LRRC7: variants seen among roughly 807,000 people sequenced by gnomAD.
LRRC7 encodes the protein leucine rich repeat containing 7.
Under a neutral mutation model 175.7 loss-of-function variants are expected in LRRC7, and 23 were observed. The observed-to-expected ratio is 0.13, with a 90% confidence interval of 0.09 to 0.19. The LOEUF is 0.19. Among genes scored for constraint, LRRC7 ranks in the 10% least tolerant of loss-of-function variants. LRRC7 has a pLI of 1.00. For synonymous variants in LRRC7, 685 were observed against 680.9 expected (o/e 1.01, Z -0.09); for missense variants, 1,354 against 1,904.7 (o/e 0.71, Z 5.38).
intron 4 of LRRC7, among the ~76,000 whole-genome samples, chr1:69,825,527 TA>T (rs1246407205): frequency 1.3e-5 from 2 of 151,996 alleles, no homozygotes; most frequent in African/African-American, 4.8e-5. Flanking sequence ...ACTTTTATTA[TA>T]AAATATTATT....
At chr1:69,711,685 T>C (rs1664767001) in intron 2 of LRRC7, among the ~76,000 whole-genome samples, 1 of 152,176 alleles carries the variant, frequency 6.6e-6, no homozygotes, top group South Asian at 2.1e-4. Flanking sequence ...TACCGTGTCG[T>C]CATGGCTCAA....
At chr1:69,748,762 G>A (rs1414424890) in intron 2 of LRRC7, among the ~76,000 whole-genome samples, 1 of 152,126 alleles carries the variant, frequency 6.6e-6, no homozygotes, top group East Asian at 1.9e-4. Flanking sequence ...TGATTAGACT[G>A]AGGGTCCTTC....
intron 25 of LRRC7, among the ~76,000 whole-genome samples, chr1:70,098,312 T>C (rs1664561578): frequency 1.3e-5 from 2 of 151,668 alleles, no homozygotes; most frequent in South Asian, 4.2e-4. Context: ...CTGGGACGCA[T>C]TCAAAGCAGT....
At chr1:69,943,487 GAT>G in intron 8 of LRRC7, among the ~76,000 whole-genome samples, 1 of 151,992 alleles carries the variant, frequency 6.6e-6, no homozygotes, top group Non-Finnish European at 1.5e-5. Context: ...TTTGAGAAAT[GAT>G]GAAAATATAC....
chr1:70,135,528 A>G lies in LRRC7; in HGVS notation c.*13641A>G, dbSNP rs199656353. Among the ~76,000 whole-genome samples the G allele has an allele frequency of 6.6e-6, 1 of 152,290 alleles. No homozygotes were observed. The highest frequency in any genetic ancestry group is 1.9e-4 in the East Asian group (1 of 5,186). On this transcript the variant is annotated 3_prime_UTR_variant, in exon 27 of 27. Coordinates refer to ENST00000651989, the MANE Select transcript of LRRC7 (RefSeq NM_001370785.2). ...AGAAGCTGTCACTTAAAATGCACTG[A>G]GATCCTTTTGAAACATCTCACGCAC...
intron 1 of LRRC7, among the ~76,000 whole-genome samples, chr1:69,658,594 C>A (rs1260599844): frequency 1.3e-5 from 2 of 151,926 alleles, no homozygotes; most frequent in East Asian, 1.9e-4. Context: ...CTTAGATATT[C>A]TTTGGAGTAA....
At chr1:70,120,425 T>G (rs1666134736) in intron 26 of LRRC7, among the ~76,000 whole-genome samples, 1 of 152,096 alleles carries the variant, frequency 6.6e-6, no homozygotes, top group African/African-American at 2.4e-5. Flanking sequence ...AAGTGTAATA[T>G]TTTGGAATCT....
At chr1:69,581,748 CACCTT>C (rs767380731) in intron 1 of LRRC7, among the ~76,000 whole-genome samples, 3 of 152,120 alleles carry the variant, frequency 2.0e-5, no homozygotes, top group Non-Finnish European at 4.4e-5. Context: ...TAGAGTGACT[CACCTT>C]ATATTGCTAT....
intron 7 of LRRC7, among the ~76,000 whole-genome samples, chr1:69,882,965 AGTATTCC>A: frequency 6.6e-6 from 1 of 152,158 alleles, no homozygotes. Context: ...ATGGCTGCAT[AGTATTCC>A]ATGGTGTATA....
At chr1:69,910,543 C>T (rs2101700137) in intron 7 of LRRC7, among the ~76,000 whole-genome samples, 1 of 152,244 alleles carries the variant, frequency 6.6e-6, no homozygotes, top group African/African-American at 2.4e-5. Flanking sequence ...AATTCTGCTG[C>T]CTGATTGTTC....
chr1:69,919,508 A>G (rs2101730382), intron 7 of LRRC7: 4 of 852,430 alleles, frequency 4.7e-6, no homozygotes, highest in Non-Finnish European at 3.9e-6. Context: ...TGGCAGGGGG[A>G]GCCCGCCAGG....
chr1:69,782,345 T>G (rs1673859880), intron 3 of LRRC7, among the ~76,000 whole-genome samples: 1 of 152,202 alleles, frequency 6.6e-6, no homozygotes, highest in African/African-American at 2.4e-5. Flanking sequence ...ATCACAAAAC[T>G]CAGACATCCA....
At chr1:69,787,249 A>G (rs1674552511) in intron 3 of LRRC7, among the ~76,000 whole-genome samples, 1 of 152,190 alleles carries the variant, frequency 6.6e-6, no homozygotes, top group South Asian at 2.1e-4. Context: ...CCCCCCTCCC[A>G]GCTGCTTTCA....
At chr1:69,645,522 T>G (rs1423716264) in intron 1 of LRRC7, among the ~76,000 whole-genome samples, 1 of 152,068 alleles carries the variant, frequency 6.6e-6, no homozygotes, top group Non-Finnish European at 1.5e-5. Context: ...TTTTGTTCAA[T>G]TCTCAACATT....
chr1:69,754,317 A>T (rs1435799592), intron 2 of LRRC7, among the ~76,000 whole-genome samples: 1 of 152,100 alleles, frequency 6.6e-6, no homozygotes, highest in East Asian at 1.9e-4. Flanking sequence ...TAATGGTTTG[A>T]ACTAGGTCAA....
intron 15 of LRRC7, among the ~76,000 whole-genome samples, chr1:70,020,474 T>C (rs1023956717): frequency 6.6e-6 from 1 of 152,080 alleles, no homozygotes; most frequent in Non-Finnish European, 1.5e-5. Context: ...AGATACCTTA[T>C]TGCAAAGTCA....
chr1:69,597,398 A>G (rs1033244430), intron 1 of LRRC7, among the ~76,000 whole-genome samples: 30 of 152,206 alleles, frequency 2.0e-4, no homozygotes, highest in African/African-American at 7.2e-4. Flanking sequence ...GAGATAATAT[A>G]TGTAAAGACC....
chr1:70,094,645 C>G (rs1231341042), intron 25 of LRRC7, among the ~76,000 whole-genome samples: 8 of 152,108 alleles, frequency 5.3e-5, no homozygotes, highest in Admixed American at 5.2e-4. Flanking sequence ...ATGGATATTA[C>G]ATCAAATAAA....
Position 70,136,347 on chromosome 1 carries a change from A to G in LRRC7, c.*14460A>G, listed in dbSNP as rs899538237. On this transcript the variant is annotated 3_prime_UTR_variant, in exon 27 of 27. Coordinates refer to ENST00000651989, the MANE Select transcript of LRRC7 (RefSeq NM_001370785.2). ...GGTTTGAATCGAGAGATGTTTAAGT[A>G]ATTCTCTTGTAAGTCTGCCTCCGGA... 1.3e-5 allele frequency among the ~76,000 whole-genome samples: 2 copies of G among 152,178 alleles called. No individual in the cohort carries two copies. Among genetic ancestry groups the G allele is most frequent in the Admixed American group, 1.3e-4 (2 of 15,294 alleles).
Sources: allele counts gnomAD v4.1 joint callset (sites outside exome capture counted in the v4.1 genomes callset), GRCh38; gene constraint gnomAD v4.1.1; transcripts MANE v1.5; gene names NCBI Gene and HGNC (gene_info 2026-07-23, HGNC 2026-07-21).